Variants in HERC2 observed in about 807,000 individuals in gnomAD.
The protein encoded by HERC2 is HECT and RLD domain containing E3 ubiquitin protein ligase 2.
A neutral mutation model predicts 537.7 loss-of-function variants in HERC2; 102 were observed. The observed-to-expected ratio is 0.19, with a 90% confidence interval of 0.16 to 0.22. The LOEUF (loss-of-function observed/expected upper bound fraction) is 0.22. HERC2 is among the 10% of genes least tolerant of loss of function. The pLI is 1.00. For synonymous variants in HERC2, 2,224 were observed against 2,466.2 expected (o/e 0.90, Z 2.91); for missense variants, 4,236 against 6,198.2 (o/e 0.68, Z 10.63).
At position 28,124,205 on chromosome 15, in the gene HERC2, C is replaced by T. The variant is rs1296042047; in HGVS notation, c.13020G>A (p.Glu4340=). ...GGTTCCTCAGCGCAATGATGGGGAT[C>T]TCCTGCAGGTGATTGTACTCCATGG... ...QVPMEYNHLQ[E]IPIIALRNRL... The change falls in exon 85 of 93, where the codon GAG becomes GAA. Residue 4340 remains glutamate (E), a synonymous_variant. Coordinates refer to ENST00000261609, the MANE Select transcript of HERC2 (RefSeq NM_004667.6). The T allele has an allele frequency of 6.5e-7, 1 of 1,531,790 alleles. No homozygotes were observed. Among genetic ancestry groups the T allele is most frequent in the Non-Finnish European group, 8.8e-7 (1 of 1,135,018 alleles). The allele number at this position is 1,531,790 out of a possible 1,614,324, so 94.9% of individuals were successfully genotyped here.
At chr15:28,175,757 T>C (rs1266382701) in intron 63 of HERC2, 101 bp from the exon 64 acceptor site, 9 of 1,133,922 alleles carry the variant, frequency 7.9e-6, no homozygotes, top group African/African-American at 4.6e-5. Flanking sequence ...GCCAGCTCAA[T>C]GACATCACAC....
chr15:28,183,164 T>C (rs1895984572), intron 56 of HERC2, among the ~76,000 whole-genome samples: 1 of 152,128 alleles, frequency 6.6e-6, no homozygotes, highest in Non-Finnish European at 1.5e-5. Flanking sequence ...TCCTTCCACC[T>C]TGCTCATCTA....
At chr15:28,280,613 A>G (rs933349455) in intron 4 of HERC2, among the ~76,000 whole-genome samples, 1 of 152,114 alleles carries the variant, frequency 6.6e-6, no homozygotes, top group Non-Finnish European at 1.5e-5. Flanking sequence ...AACATCATAC[A>G]AAAGAAGTTG....
At chr15:28,249,935 G>A (rs997044377) in intron 20 of HERC2, among the ~76,000 whole-genome samples, 2 of 151,668 alleles carry the variant, frequency 1.3e-5, no homozygotes, top group African/African-American at 4.8e-5. Flanking sequence ...GATTACAGGC[G>A]TGAGCCACCA....
intron 21 of HERC2, among the ~76,000 whole-genome samples, chr15:28,248,186 G>C (rs1237388661): frequency 6.6e-6 from 1 of 152,154 alleles, no homozygotes; most frequent in Non-Finnish European, 1.5e-5. Flanking sequence ...ATTCCACCCA[G>C]CTGGCTCCCC....
intron 70 of HERC2, among the ~76,000 whole-genome samples, chr15:28,151,340 G>A (rs1302036380): frequency 2.0e-5 from 3 of 152,164 alleles, no homozygotes. Context: ...AAGGTGGCAT[G>A]TGTCTGTACT....
At chr15:28,200,027 C>T (rs1183006946) in intron 48 of HERC2, among the ~76,000 whole-genome samples, 5 of 152,090 alleles carry the variant, frequency 3.3e-5, no homozygotes, top group Non-Finnish European at 5.9e-5. Flanking sequence ...GGAGATGGGG[C>T]CTCTAAGGAA....
At chr15:28,237,738 T>C (rs1295911583) in intron 25 of HERC2, among the ~76,000 whole-genome samples, 3 of 152,228 alleles carry the variant, frequency 2.0e-5, no homozygotes. Context: ...CGTGAATACA[T>C]AGGAAGGACA....
chr15:28,229,563 C>T lies in HERC2; in HGVS notation c.5017G>A (p.Asp1673Asn). 6.2e-7 allele frequency: 1 copy of T among 1,613,140 alleles called. No homozygotes were observed. The highest frequency in any genetic ancestry group is 8.5e-7 in the Non-Finnish European group (1 of 1,179,784). ...ERAEVRLEGI[D>N]TILKLASKNF... ...TTGCTCGCCAGTTTTAAAATTGTAT[C>T]TATCCCTTCCAGGCGAACCTCTGCT... Residue 1673 changes from aspartate to asparagine, a missense_variant, in exon 33 of 93, where the codon GAT (aspartate) becomes AAT (asparagine). This residue lies in a region of HERC2 where 343 missense variants were observed against 417.2 expected (regional missense o/e 0.82). Coordinates refer to ENST00000261609, the MANE Select transcript of HERC2 (RefSeq NM_004667.6).
chr15:28,169,637 T>A lies in HERC2; in HGVS notation c.10076A>T (p.Asp3359Val). Residue 3359 changes from aspartate (D) to valine (V), a missense_variant, in exon 66 of 93, where the codon GAT (aspartate) becomes GTT (valine). This residue lies in a region of HERC2 where 356 missense variants were observed against 450.9 expected (regional missense o/e 0.79). Transcript: ENST00000261609. The stretch of plus-strand genomic sequence containing the variant: ...TATTTTATTACTGGCAGCAGAAGAA[T>A]CAGCATCTGAAGGCACGCCTATAAG... The part of the protein sequence containing the change: ...ASYLGVPSDA[D>V]SSAASNKISG... 1.2e-6 allele frequency: 2 copies of A among 1,612,602 alleles called. No homozygotes were observed. The highest frequency in any genetic ancestry group is 1.7e-6 in the Non-Finnish European group (2 of 1,179,596).
In HERC2 at chr15:28,270,494, C is replaced by T. The variant is rs577447788; in HGVS notation, c.1257+201G>A. On this transcript the variant is annotated intron_variant, in intron 10 of 92. Coordinates refer to ENST00000261609, the MANE Select transcript of HERC2 (RefSeq NM_004667.6). ...TGGAACCCGGGCCCCCAGGTTGGGT[C>T]GCCAGGCCTGTGCGCCTCAGCTTGC... 2.0e-5 allele frequency among the ~76,000 whole-genome samples: 3 copies of T among 152,090 alleles called. No homozygotes were observed. In the East Asian group the frequency reaches 5.8e-4, roughly 29 times the overall value.
Position 28,191,169 on chromosome 15 carries a change from T to A in HERC2, c.8527A>T (p.Ser2843Cys). Residue 2843 changes from serine (S) to cysteine (C), a missense_variant, in exon 54 of 93, where the codon AGC (serine) becomes TGC (cysteine). Around this residue, in one of 27 missense-constraint regions of HERC2, gnomAD observed 606 missense variants for 884.5 expected, o/e 0.69. Coordinates refer to ENST00000261609, the MANE Select transcript of HERC2 (RefSeq NM_004667.6). ...LKMIVDPADS[S>C]YMPSLVVVSG... is the part of the protein sequence containing the mutation. ...ACTACAACCAGGGACGGCATGTAGC[T>A]ACTGTCAGCAGGATCTACGATCATT... 2 of 1,613,808 alleles carry A rather than the reference T, an allele frequency of 1.2e-6. No homozygotes were observed. Among genetic ancestry groups the A allele is most frequent in the Non-Finnish European group, 1.7e-6 (2 of 1,179,700 alleles).
chr15:28,256,939 A>C, intron 17 of HERC2, 122 bp downstream of exon 17: 1 of 863,778 alleles, frequency 1.2e-6, no homozygotes, highest in Non-Finnish European at 1.8e-6. Context: ...AGTGCATTAC[A>C]ATCTTACTTT....
At chr15:28,210,050 C>A (rs1268206988) in intron 44 of HERC2, among the ~76,000 whole-genome samples, 2 of 149,990 alleles carry the variant, frequency 1.3e-5, no homozygotes, top group African/African-American at 4.9e-5. Flanking sequence ...GCAACCTCCG[C>A]CCCCCGGTTC....
intron 12 of HERC2, among the ~76,000 whole-genome samples, 188 bp from the exon 13 acceptor site, chr15:28,266,162 G>A (rs1172440306): frequency 1.3e-5 from 2 of 152,252 alleles, no homozygotes; most frequent in Middle Eastern, 3.4e-3. Context: ...TTTTTGTTCA[G>A]TTGGAACCCG....
Position 28,280,276 on chromosome 15 carries a change from G to A in HERC2, c.334C>T (p.Leu112=). The A allele has an allele frequency of 1.1e-5, 17 of 1,609,180 alleles. No individual in the cohort carries two copies. Among genetic ancestry groups the A allele is most frequent in the Non-Finnish European group, 1.4e-5 (17 of 1,178,358 alleles). Residue 112 remains leucine (L), a synonymous_variant, in exon 5 of 93, where the codon CTG becomes TTG. Transcript: ENST00000261609. ...ACCAGCACAGAAAGACACTCCTTCA[G>A]TTCATTCACATCTAGAAAATAAGAC... ...VWGKQPDVNE[L]KECLSVLVKE...
chr15:28,118,596 C>A (rs1056266666), intron 86 of HERC2, among the ~76,000 whole-genome samples: 4 of 152,180 alleles, frequency 2.6e-5, no homozygotes, highest in African/African-American at 7.2e-5. Context: ...AGTAAGATGA[C>A]CTGTGTTCTG....
chr15:28,117,610 A>G, intron 86 of HERC2: 1 of 455,404 alleles, frequency 2.2e-6, no homozygotes, highest in Non-Finnish European at 4.4e-6. Flanking sequence ...CCGGCACTCA[A>G]AGATTCAACC....
At chr15:28,158,804 G>A (rs1396552568) in intron 69 of HERC2, among the ~76,000 whole-genome samples, 4 of 152,104 alleles carry the variant, frequency 2.6e-5, no homozygotes, top group African/African-American at 4.8e-5. Context: ...TATTTTGCTC[G>A]TTAGTTGATG....
Sources: gnomAD v4.1 joint callset for allele counts (sites outside exome capture counted in the v4.1 genomes callset) on GRCh38, gnomAD v4.1.1 for gene constraint, gnomAD v4.1.1 regional missense constraint, MANE v1.5 for transcripts, NCBI Gene and HGNC (gene_info 2026-07-23, HGNC 2026-07-21) for gene names.